The following KCNIP4 variants were observed in gnomAD, a reference collection of about 807,000 sequenced individuals.
KCNIP4 encodes the protein Kv channel-interacting protein 4.
A neutral mutation model predicts 34.0 loss-of-function variants in KCNIP4; 12 were observed. The observed-to-expected ratio is 0.35, with a 90% CI of 0.23 to 0.57. The LOEUF is 0.57. Among genes scored for constraint, KCNIP4 ranks in the 20% least tolerant of loss-of-function variants. The pLI is 0.83. For missense variants in KCNIP4, 238 were observed against 311.7 expected, an observed-to-expected ratio of 0.76 and a Z score of 1.78; for synonymous variants, 124 against 102.2, an observed-to-expected ratio of 1.21 and a Z score of -1.29.
intron 1 of KCNIP4, among the ~76,000 whole-genome samples, chr4:21,459,365 T>C (rs2109769692): frequency 6.6e-6 from 1 of 152,182 alleles, no homozygotes; most frequent in Non-Finnish European, 1.5e-5. Flanking sequence ...AGTTTTCCTA[T>C]TTCTTCCCTT....
intron 1 of KCNIP4, among the ~76,000 whole-genome samples, chr4:21,545,102 G>A (rs992871693): frequency 5.3e-5 from 8 of 152,098 alleles, no homozygotes; most frequent in Admixed American, 5.2e-4. Flanking sequence ...AGTGACCTCT[G>A]GTCGTCCTCA....
intron 5 of KCNIP4, among the ~76,000 whole-genome samples, chr4:20,744,139 A>G (rs1195500821): frequency 2.0e-5 from 3 of 151,576 alleles, no homozygotes; most frequent in Non-Finnish European, 4.4e-5. Flanking sequence ...ATGTGGAGAA[A>G]TAGGAACACT....
At chr4:21,624,508 T>C (rs146492329) in intron 1 of KCNIP4, among the ~76,000 whole-genome samples, 4 of 152,156 alleles carry the variant, frequency 2.6e-5, no homozygotes, top group South Asian at 4.1e-4. Context: ...TTTATCCATA[T>C]ATAATTTGAC....
At chr4:21,141,707 G>A (rs983449636) in intron 1 of KCNIP4, among the ~76,000 whole-genome samples, 5 of 152,216 alleles carry the variant, frequency 3.3e-5, no homozygotes, top group South Asian at 4.1e-4. Flanking sequence ...CTTTAATTCT[G>A]TGAAAATATT....
intron 1 of KCNIP4, among the ~76,000 whole-genome samples, chr4:21,407,496 G>A (rs1393777696): frequency 6.6e-6 from 1 of 152,072 alleles, no homozygotes; most frequent in African/African-American, 2.4e-5. Flanking sequence ...AACAGTGTCT[G>A]GAGTAAATTA....
intron 1 of KCNIP4, among the ~76,000 whole-genome samples, chr4:21,468,140 A>G (rs1254498943): frequency 2.0e-5 from 3 of 152,210 alleles, no homozygotes; most frequent in African/African-American, 7.2e-5. Flanking sequence ...CAAGCTCAAG[A>G]AAACCTATTC....
chr4:21,221,065 C>T (rs985182133), intron 1 of KCNIP4, among the ~76,000 whole-genome samples: 2 of 152,126 alleles, frequency 1.3e-5, no homozygotes, highest in Non-Finnish European at 2.9e-5. Flanking sequence ...AATAATTCAT[C>T]GTTCATTCCT....
At chr4:20,865,233 G>A (rs1722748300) in intron 2 of KCNIP4, among the ~76,000 whole-genome samples, 1 of 152,060 alleles carries the variant, frequency 6.6e-6, no homozygotes, top group Non-Finnish European at 1.5e-5. Context: ...GGTTGTCTGA[G>A]AGTAATGGAG....
Position 21,582,358 on chromosome 4 carries a change from T to G in KCNIP4, c.61+366213A>C, listed in dbSNP as rs540821111. 4 of 152,050 alleles carry G rather than the reference T, an allele frequency of 2.6e-5. 1 individual carries two copies. The South Asian group carries it at 8.3e-4, about 32-fold the overall frequency. The allele number at this position is 152,050 out of a possible 1,614,324, so 9.4% of individuals were successfully genotyped here. A position where few individuals can be genotyped will look rare whatever the true frequency, so the allele number is the denominator to read the frequency against. ...AAGTGGAAGATGCATTTTGCCTTCC[T>G]TTTGCTTTTGAGGTGAGGTAAGTGG... is the stretch of plus-strand genomic sequence containing the variant. On this transcript the variant is annotated intron_variant, in intron 1 of 8. Transcript: ENST00000382152.
intron 3 of KCNIP4, among the ~76,000 whole-genome samples, chr4:20,842,581 C>CAAAAAGAAAAAAAAAAAAA (rs1719879416): frequency 1.4e-5 from 1 of 69,688 alleles, no homozygotes; most frequent in African/African-American, 5.9e-5. Context: ...CTTCTAATGG[C>CAAAAAGAAAAAAAAAAAAA]AAAAAAAAAA....
chr4:20,925,363 T>A (rs1404700257), intron 1 of KCNIP4, among the ~76,000 whole-genome samples: 3 of 152,028 alleles, frequency 2.0e-5, no homozygotes, highest in African/African-American at 7.2e-5. Flanking sequence ...ATACAGGTCG[T>A]AAAGAACTTG....
Position 21,343,760 on chromosome 4 carries a change from C to T in KCNIP4, c.62-461051G>A, listed in dbSNP as rs565954847. 3.9e-5 allele frequency among the ~76,000 whole-genome samples: 6 copies of T among 152,124 alleles called. No individual in the cohort carries two copies. In the South Asian group the frequency reaches 8.3e-4, roughly 21 times the overall value. On this transcript the variant is annotated intron_variant, in intron 1 of 8. Transcript: ENST00000382152. ...ATTTTTAAAGGTCCCCTGTAGATTC[C>T]GACGCAGGCTCTTTTTTGCCACACC...
At chr4:20,849,808 T>G (rs1720808439) in intron 3 of KCNIP4, among the ~76,000 whole-genome samples, 1 of 152,232 alleles carries the variant, frequency 6.6e-6, no homozygotes, top group African/African-American at 2.4e-5. Context: ...ACAGCAAGTT[T>G]TCTCTCCCTA....
chr4:21,091,684 T>C (rs1041448081), intron 1 of KCNIP4, among the ~76,000 whole-genome samples: 1 of 152,192 alleles, frequency 6.6e-6, no homozygotes, highest in Non-Finnish European at 1.5e-5. Flanking sequence ...TGTGCCAGCA[T>C]GGTCAGGTTC....
intron 1 of KCNIP4, among the ~76,000 whole-genome samples, chr4:21,242,163 C>CA (rs11436478): frequency 0.11 from 6,219 of 55,066 alleles, 702 homozygotes; most frequent in African/African-American, 0.23. Flanking sequence ...AATTCTGTCT[C>CA]AAAAAAAAAA....
chr4:20,849,734 T>A (rs547292149), intron 3 of KCNIP4, among the ~76,000 whole-genome samples: 1 of 152,324 alleles, frequency 6.6e-6, no homozygotes, highest in East Asian at 1.9e-4. Context: ...TTGGGATGTG[T>A]ATGCTATTTG....
At chr4:20,796,621 A>C (rs1713502747) in intron 3 of KCNIP4, among the ~76,000 whole-genome samples, 1 of 129,540 alleles carries the variant, frequency 7.7e-6, no homozygotes. Context: ...TTTTTTTTTT[A>C]CCACTTCCAT....
intron 1 of KCNIP4, among the ~76,000 whole-genome samples, chr4:21,412,679 T>C (rs767635053): frequency 6.6e-6 from 1 of 152,224 alleles, no homozygotes; most frequent in Non-Finnish European, 1.5e-5. Context: ...AGATGCCTTT[T>C]AAATCTGTCT....
chr4:21,341,997 C>T lies in KCNIP4; in HGVS notation c.62-459288G>A, dbSNP rs116157334. Among the ~76,000 whole-genome samples the T allele has an allele frequency of 5.8e-3, 880 of 152,216 alleles. 8 individuals are homozygous for T. Among genetic ancestry groups the T allele is most frequent in the African/African-American group, 0.02 (842 of 41,544 alleles). ...CACATTCTTTTCTTTGTGCTTGTGT[C>T]CCCTCTTATAAGGACTATTTTTCTT... On this transcript the variant is annotated intron_variant, in intron 1 of 8. Coordinates refer to ENST00000382152, the MANE Select transcript of KCNIP4 (RefSeq NM_025221.6).
Sources: allele counts gnomAD v4.1 joint callset (sites outside exome capture counted in the v4.1 genomes callset), GRCh38; gene constraint gnomAD v4.1.1; transcripts MANE v1.5; gene names NCBI Gene and HGNC (gene_info 2026-07-23, HGNC 2026-07-21).